The following NRP1 variants were observed in gnomAD, a reference collection of about 807,000 sequenced individuals.
The protein encoded by NRP1 is neuropilin 1, also known as neuropilin-1.
In NRP1, 35 loss-of-function variants were observed where a neutral mutation model predicts 106.7. That is an observed-to-expected ratio of 0.33 (90% CI 0.25 to 0.43). The LOEUF (loss-of-function observed/expected upper bound fraction) is 0.43. Ranked by LOEUF, NRP1 falls within the 20% of genes least tolerant of loss-of-function variation. NRP1 has a pLI of 1.00. For synonymous variants in NRP1, 437 were observed against 417.9 expected, an observed-to-expected ratio of 1.05 and a Z score of -0.56; for missense variants, 1,024 against 1,170.4, an observed-to-expected ratio of 0.87 and a Z score of 1.83.
chr10:33,189,282 ACTCTGC>A (rs1231624787), intron 13 of NRP1, among the ~76,000 whole-genome samples: 1 of 152,088 alleles, frequency 6.6e-6, no homozygotes, highest in Non-Finnish European at 1.5e-5. Flanking sequence ...AGTCATGCAC[ACTCTGC>A]CTCTATCTAA....
At chr10:33,193,514 T>G (rs993201398) in intron 12 of NRP1, among the ~76,000 whole-genome samples, 3 of 152,196 alleles carry the variant, frequency 2.0e-5, no homozygotes, top group African/African-American at 7.2e-5. Flanking sequence ...TCACTGACTT[T>G]AGGCAGTCCA....
intron 4 of NRP1, among the ~76,000 whole-genome samples, chr10:33,262,982 C>T (rs981539317): frequency 4.6e-5 from 7 of 152,186 alleles, no homozygotes; most frequent in African/African-American, 1.7e-4. Flanking sequence ...AGGATGGTGC[C>T]TGGTACATGA....
intron 10 of NRP1, chr10:33,205,420 C>T (rs1837690983): frequency 6.6e-6 from 1 of 152,222 alleles, no homozygotes; most frequent in Non-Finnish European, 1.5e-5. Context: ...GCTGCCTAGA[C>T]AAGGCCGATT....
intron 2 of NRP1, among the ~76,000 whole-genome samples, chr10:33,286,571 G>A (rs973110766): frequency 6.6e-6 from 1 of 152,166 alleles, no homozygotes; most frequent in African/African-American, 2.4e-5. Flanking sequence ...GTCTCCCATA[G>A]ATGGCCCCAA....
At chr10:33,260,304 AT>A (rs956335950) in intron 4 of NRP1, among the ~76,000 whole-genome samples, 2 of 152,208 alleles carry the variant, frequency 1.3e-5, no homozygotes, top group Non-Finnish European at 2.9e-5. Context: ...CCAAAAATAC[AT>A]TTTGTAGCTT....
At chr10:33,226,021 C>A (rs1839635752) in intron 7 of NRP1, 113 bp downstream of exon 7, 3 of 1,209,530 alleles carry the variant, frequency 2.5e-6, no homozygotes, top group Non-Finnish European at 3.5e-6. Flanking sequence ...CTTTTCATTT[C>A]AAATCAATTC....
chr10:33,249,587 T>C (rs1477439280), intron 6 of NRP1: 1 of 480,154 alleles, frequency 2.1e-6, no homozygotes, highest in South Asian at 1.6e-5. Context: ...AGGAAAAAGG[T>C]AAAATTAATA....
chr10:33,328,504 G>C (rs1236624618), intron 2 of NRP1, among the ~76,000 whole-genome samples: 1 of 152,160 alleles, frequency 6.6e-6, no homozygotes, highest in African/African-American at 2.4e-5. Flanking sequence ...CAGGTAGGAA[G>C]ATTTTTATAT....
intron 8 of NRP1, among the ~76,000 whole-genome samples, chr10:33,215,395 A>T (rs1409139220): frequency 6.6e-6 from 1 of 152,206 alleles, no homozygotes; most frequent in Non-Finnish European, 1.5e-5. Context: ...CAGCTAGATT[A>T]TAAGATCTTC....
At chr10:33,194,973 C>T (rs1836676036) in intron 12 of NRP1, among the ~76,000 whole-genome samples, 1 of 152,204 alleles carries the variant, frequency 6.6e-6, no homozygotes, top group South Asian at 2.1e-4. Context: ...GCACACAACT[C>T]TCATTAAATT....
intron 7 of NRP1, among the ~76,000 whole-genome samples, chr10:33,225,210 C>G (rs1839564731): frequency 6.6e-6 from 1 of 152,208 alleles, no homozygotes; most frequent in Non-Finnish European, 1.5e-5. Flanking sequence ...GGGGGTTTCA[C>G]TGCTAATCAA....
At chr10:33,235,801 G>T (rs923368443) in intron 6 of NRP1, among the ~76,000 whole-genome samples, 1 of 152,212 alleles carries the variant, frequency 6.6e-6, no homozygotes, top group Non-Finnish European at 1.5e-5. Flanking sequence ...CTCTTATGTA[G>T]AGTCAAAGAG....
At chr10:33,180,465 C>G in intron 16 of NRP1, 100 bp from the exon 17 acceptor site, 1 of 1,217,938 alleles carries the variant, frequency 8.2e-7, no homozygotes, top group Non-Finnish European at 1.1e-6. Flanking sequence ...AAATCACACA[C>G]CCCAGTTTTG....
At chr10:33,263,544 G>T in intron 4 of NRP1, 102 bp downstream of exon 4, 1 of 786,516 alleles carries the variant, frequency 1.3e-6, no homozygotes, top group Non-Finnish European at 2.0e-6. Context: ...GTGTCCTTTT[G>T]AGGTTTTTTT....
intron 3 of NRP1, among the ~76,000 whole-genome samples, chr10:33,266,056 T>C (rs1266088877): frequency 6.6e-6 from 1 of 152,186 alleles, no homozygotes; most frequent in East Asian, 1.9e-4. Flanking sequence ...GGCTACATTC[T>C]TGTAAGCCAT....
At chr10:33,220,307 A>G (rs887263108) in intron 8 of NRP1, among the ~76,000 whole-genome samples, 3 of 152,176 alleles carry the variant, frequency 2.0e-5, no homozygotes, top group South Asian at 2.1e-4. Context: ...TAATTAAACT[A>G]AAGAGGATAA....
intron 4 of NRP1, among the ~76,000 whole-genome samples, chr10:33,259,423 C>T (rs550339177): frequency 6.6e-6 from 1 of 152,204 alleles, no homozygotes; most frequent in African/African-American, 2.4e-5. Context: ...TTGATCTGAG[C>T]GAGAGTGGAT....
chr10:33,206,406 G>A (rs1423482365), intron 10 of NRP1: 4 of 485,066 alleles, frequency 8.2e-6, no homozygotes, highest in East Asian at 1.1e-4. Context: ...ACAACCACAC[G>A]GTGAAGAATA....
chr10:33,237,508 C>CACAG (rs1349626868), intron 6 of NRP1, among the ~76,000 whole-genome samples: 11 of 151,264 alleles, frequency 7.3e-5, no homozygotes, highest in African/African-American at 2.7e-4. Context: ...CACACACACA[C>CACAG]ACACACACAA....
Sources: allele counts gnomAD v4.1 joint callset (sites outside exome capture counted in the v4.1 genomes callset), GRCh38; gene constraint gnomAD v4.1.1; transcripts MANE v1.5; gene names NCBI Gene and HGNC (gene_info 2026-07-23, HGNC 2026-07-21).